CADPS2: variants seen among roughly 807,000 people sequenced by gnomAD.
CADPS2 encodes calcium dependent secretion activator 2, also known as calcium-dependent secretion activator 2.
CADPS2 carries 93 observed loss-of-function variants against 172.5 expected under a neutral mutation model. That is an observed-to-expected ratio of 0.54 (90% CI 0.46 to 0.64). The LOEUF is 0.64. Among genes scored for constraint, CADPS2 ranks in the 30% least tolerant of loss-of-function variants. The pLI, the probability that CADPS2 is intolerant of heterozygous loss-of-function variation, is 0.00. For missense variants in CADPS2, 1,420 were observed against 1,565.9 expected, an observed-to-expected ratio of 0.91 and a Z score of 1.57; for synonymous variants, 546 against 555.2, an observed-to-expected ratio of 0.98 and a Z score of 0.23.
chr7:122,615,006 T>C (rs1004585523), intron 6 of CADPS2, among the ~76,000 whole-genome samples, 175 bp downstream of exon 6: 5 of 152,180 alleles, frequency 3.3e-5, no homozygotes, highest in South Asian at 4.1e-4. Context: ...ATTCCAATTA[T>C]AACATCATTA....
At chr7:122,514,017 T>C (rs2060178285) in intron 8 of CADPS2, among the ~76,000 whole-genome samples, 1 of 152,198 alleles carries the variant, frequency 6.6e-6, no homozygotes, top group South Asian at 2.1e-4. Flanking sequence ...TGAATTGAAA[T>C]GATTAGCCAA....
In CADPS2 at chr7:122,813,701, C is replaced by G. The variant is rs143977417; in HGVS notation, c.339+72298G>C. On this transcript the variant is annotated intron_variant, in intron 1 of 29. Coordinates refer to ENST00000449022, the MANE Select transcript of CADPS2 (RefSeq NM_017954.11). ...AAACCGCATTATTCTAAGGAAAAGC[C>G]TTATCCCAATTATTTTTTGAGGCTT... Among the ~76,000 whole-genome samples the G allele has an allele frequency of 5.3e-5, 8 of 152,168 alleles. No individual in the cohort carries two copies. The East Asian group carries it at 1.5e-3, about 29-fold the overall frequency.
intron 1 of CADPS2, among the ~76,000 whole-genome samples, chr7:122,749,628 A>G (rs1477727867): frequency 2.0e-5 from 3 of 152,162 alleles, no homozygotes; most frequent in Non-Finnish European, 4.4e-5. Context: ...ATTTAGGGAC[A>G]TAAAATGCAA....
At chr7:122,651,937 CCT>C (rs2079193420) in intron 3 of CADPS2, among the ~76,000 whole-genome samples, 1 of 152,106 alleles carries the variant, frequency 6.6e-6, no homozygotes, top group Non-Finnish European at 1.5e-5. Flanking sequence ...TGCTTACCTA[CCT>C]CTGTTAATAT....
At position 122,815,442 on chromosome 7, in the gene CADPS2, A is replaced by G. The variant is rs117678283; in HGVS notation, c.339+70557T>C. 5.9e-5 allele frequency among the ~76,000 whole-genome samples: 9 copies of G among 152,276 alleles called. No individual in the cohort carries two copies. The East Asian group carries it at 1.7e-3, about 29-fold the overall frequency. On this transcript the variant is annotated intron_variant, in intron 1 of 29. Transcript: ENST00000449022. ...ACAAAGCCTTACCTCAGAAAAGTTC[A>G]TCCACAATTTGTAACAAAAGATCAA...
At chr7:122,869,616 T>C (rs1819232498) in intron 1 of CADPS2, among the ~76,000 whole-genome samples, 1 of 151,784 alleles carries the variant, frequency 6.6e-6, no homozygotes, top group African/African-American at 2.4e-5. Context: ...AGAAGATCAC[T>C]AAGGAGCAAC....
intron 2 of CADPS2, chr7:122,702,270 T>C (rs184801351): frequency 1.2e-6 from 2 of 1,613,744 alleles, no homozygotes; most frequent in Non-Finnish European, 1.7e-6. Flanking sequence ...AAAATTTCCA[T>C]GCCTTTCAGG....
At chr7:122,704,933 A>G (rs2086747028) in intron 2 of CADPS2, among the ~76,000 whole-genome samples, 2 of 152,036 alleles carry the variant, frequency 1.3e-5, no homozygotes, top group African/African-American at 4.8e-5. Flanking sequence ...CCACATAATA[A>G]GAAATTATGT....
chr7:122,336,988 T>C (rs2035952656), intron 28 of CADPS2, among the ~76,000 whole-genome samples: 1 of 152,208 alleles, frequency 6.6e-6, no homozygotes, highest in South Asian at 2.1e-4. Context: ...TTCTTTTAAA[T>C]AGTTTTCTAT....
At chr7:122,713,028 G>C (rs939740507) in intron 2 of CADPS2, among the ~76,000 whole-genome samples, 2 of 151,910 alleles carry the variant, frequency 1.3e-5, no homozygotes, top group African/African-American at 2.4e-5. Context: ...CTGTCCCCAA[G>C]GTAGGACAGT....
chr7:122,491,988 C>T (rs1049770146), intron 9 of CADPS2, among the ~76,000 whole-genome samples: 2 of 151,958 alleles, frequency 1.3e-5, no homozygotes, highest in African/African-American at 2.4e-5. Context: ...GTGTCTAACA[C>T]GGTGAAACCC....
At chr7:122,497,201 A>G (rs1586637926) in intron 9 of CADPS2, among the ~76,000 whole-genome samples, 2 of 152,052 alleles carry the variant, frequency 1.3e-5, no homozygotes, top group Non-Finnish European at 2.9e-5. Flanking sequence ...TTCAGTCTCA[A>G]TTATTCTGTG....
At chr7:122,616,277 G>C (rs756546042) in intron 5 of CADPS2, among the ~76,000 whole-genome samples, 2 of 151,996 alleles carry the variant, frequency 1.3e-5, no homozygotes, top group Non-Finnish European at 2.9e-5. Context: ...CTCATGTTAT[G>C]CAGCGACCAA....
rs1352748457 is a variant in CADPS2 at position 122,581,343 on chromosome 7, C to G, written c.1224-53G>C. ...TAAAATGCAGCATTATTTTTTTCCC[C>G]AAGGAGATGTGTCTCCATAGAAGGC... On this transcript the variant is annotated intron_variant, in intron 6 of 29. Transcript: ENST00000449022. 15 of 1,410,066 alleles carry G rather than the reference C, an allele frequency of 1.1e-5. No individual in the cohort carries two copies. The East Asian group carries it at 3.2e-4, about 30-fold the overall frequency. 87.3% of individuals were successfully genotyped at this position (1,410,066 alleles called of 1,614,324 possible).
chr7:122,644,552 G>A (rs1047153446), intron 3 of CADPS2, among the ~76,000 whole-genome samples: 16 of 152,074 alleles, frequency 1.1e-4, no homozygotes, highest in African/African-American at 3.9e-4. Context: ...TGAACGACTT[G>A]CGTTAATTTT....
chr7:122,760,558 G>C (rs370333922), intron 1 of CADPS2, among the ~76,000 whole-genome samples: 8 of 151,906 alleles, frequency 5.3e-5, no homozygotes, highest in African/African-American at 1.5e-4. Context: ...ACCATCCCTA[G>C]TTAATACCAA....
At chr7:122,439,669 TCTC>T (rs2051101556) in intron 16 of CADPS2, among the ~76,000 whole-genome samples, 1 of 83,818 alleles carries the variant, frequency 1.2e-5, no homozygotes, top group Admixed American at 1.5e-4. Context: ...TATCATTCTC[TCTC>T]TATCAAATTC....
intron 9 of CADPS2, among the ~76,000 whole-genome samples, chr7:122,495,521 T>G (rs1313895834): frequency 6.6e-6 from 1 of 152,222 alleles, no homozygotes; most frequent in Non-Finnish European, 1.5e-5. Flanking sequence ...ATATAAATAT[T>G]GTTACTTGAA....
intron 1 of CADPS2, among the ~76,000 whole-genome samples, chr7:122,876,509 G>C (rs1184089654): frequency 6.6e-6 from 1 of 151,966 alleles, no homozygotes; most frequent in Non-Finnish European, 1.5e-5. Context: ...ACACAGGCAT[G>C]AGTCGCCATG....
Sources: allele counts gnomAD v4.1 joint callset (sites outside exome capture counted in the v4.1 genomes callset), GRCh38; gene constraint gnomAD v4.1.1; transcripts MANE v1.5; gene names NCBI Gene and HGNC (gene_info 2026-07-23, HGNC 2026-07-21).